The following GOSR2 variants were observed in gnomAD, a reference collection of about 807,000 sequenced individuals.
The protein encoded by GOSR2 is golgi SNAP receptor complex member 2, also known as 27 kDa Golgi SNARE protein.
In GOSR2, 20 loss-of-function variants were observed where a neutral mutation model predicts 27.9. The ratio of observed to expected loss-of-function variants is 0.72; its 90% confidence interval spans 0.50 to 1.04. GOSR2 has a LOEUF of 1.04. Among genes scored for constraint, GOSR2 ranks in the 50% least tolerant of loss-of-function variants. The pLI, the probability that GOSR2 is intolerant of heterozygous loss-of-function variation, is 0.00. For missense variants in GOSR2, 261 were observed against 270.5 expected (o/e 0.97, Z 0.25); for synonymous variants, 91 against 98.8 (o/e 0.92, Z 0.47).
chr17:46,967,033 T>A (rs149238738), downstream of GOSR2: 16 of 203,602 alleles, frequency 7.9e-5, no homozygotes, highest in Non-Finnish European at 1.4e-4. Flanking sequence ...GGGCTGTGTG[T>A]CCAACAAAGG....
intron 6 of GOSR2, among the ~76,000 whole-genome samples, chr17:46,973,883 C>T (rs144231584): frequency 1.8e-3 from 275 of 152,268 alleles, no homozygotes; most frequent in Middle Eastern, 6.8e-3. Flanking sequence ...TTCTGCTGTA[C>T]CCGCCACCTC....
chr17:46,970,549 A>C (rs1267463907), downstream of GOSR2, among the ~76,000 whole-genome samples: 10 of 151,648 alleles, frequency 6.6e-5, no homozygotes, highest in East Asian at 1.7e-3. Context: ...AAAAAAAAAA[A>C]AAAAAAAAAA....
chr17:46,936,486 A>G (rs1219355541), intron 5 of GOSR2: 1 of 985,318 alleles, frequency 1.0e-6, no homozygotes, highest in Non-Finnish European at 1.2e-6. Context: ...ACCTGTGGCT[A>G]CCTGGTGTTT....
rs1042030524 is a variant in GOSR2 at position 46,936,535 on chromosome 17, C to T, written c.477+1366C>T. ...CTCCACCTGCCTCACACCCTGCCTC[C>T]GTCGGGATTTTCCACCTACACCATT... On this transcript the variant is annotated intron_variant, in intron 5 of 5. Transcript: ENST00000640051. 31 of 985,436 alleles carry T rather than the reference C, an allele frequency of 3.1e-5. No individual in the cohort carries two copies. In the East Asian group the frequency reaches 3.4e-4, roughly 11 times the overall value. The allele number at this position is 985,436 out of a possible 1,614,324, so 61.0% of individuals were successfully genotyped here.
chr17:46,923,251 C>CT, intron 1 of GOSR2, 30 bp downstream of exon 1: 1 of 1,550,738 alleles, frequency 6.4e-7, no homozygotes, highest in South Asian at 1.2e-5. Context: ...CGGGCAGGGG[C>CT]TAGACGAGGC....
At position 46,941,281 on chromosome 17, in the gene GOSR2, G is replaced by A; in HGVS notation, c.*2521G>A. 2.0e-6 allele frequency: 2 copies of A among 985,864 alleles called. No individual in the cohort carries two copies. The highest frequency in any genetic ancestry group is 5.2e-4 in the Middle Eastern group (1 of 1,914). The allele number at this position is 985,864 out of a possible 1,614,324, so 61.1% of individuals were successfully genotyped here. A position where few individuals can be genotyped will look rare whatever the true frequency, so the allele number is the denominator to read the frequency against. On this transcript the variant is annotated 3_prime_UTR_variant, in exon 6 of 6. Transcript: ENST00000640051. ...CCTTTGCCCTGATGAATTTGAATGG[G>A]TTTGATTTGCAAATTTGGATTTACA...
chr17:46,961,414 C>T (rs1030859611), intron 6 of GOSR2, among the ~76,000 whole-genome samples: 5 of 152,052 alleles, frequency 3.3e-5, no homozygotes, highest in Non-Finnish European at 7.4e-5. Context: ...GTGCATCTAT[C>T]GTCCCAGCTA....
chr17:46,954,351 A>T, intron 6 of GOSR2, among the ~76,000 whole-genome samples: 1 of 152,134 alleles, frequency 6.6e-6, no homozygotes, highest in East Asian at 1.9e-4. Flanking sequence ...GTAGTAGATA[A>T]GCGGCATTAT....
At chr17:46,955,310 G>A (rs2147262158) in intron 6 of GOSR2, among the ~76,000 whole-genome samples, 1 of 152,122 alleles carries the variant, frequency 6.6e-6, no homozygotes. Flanking sequence ...TTATATGCTG[G>A]ATTACGTTTA....
rs548624106 is a variant in GOSR2, at chr17:46,954,318, T to A, written c.584-12216T>A. On this transcript the variant is annotated intron_variant, in intron 6 of 6. Transcript: ENST00000573224. ...ATCCTTTTCCCATTTCTTGTTTTTG[T>A]CAGGTTTGTCAAAGATCAGATAGTA... 3.3e-5 allele frequency among the ~76,000 whole-genome samples: 5 copies of A among 152,342 alleles called. No individual in the cohort carries two copies. In the East Asian group the frequency reaches 5.8e-4, roughly 18 times the overall value.
At chr17:46,960,934 G>T (rs930540657) in intron 6 of GOSR2, among the ~76,000 whole-genome samples, 4 of 152,126 alleles carry the variant, frequency 2.6e-5, no homozygotes, top group Non-Finnish European at 4.4e-5. Flanking sequence ...CTAAGTATTT[G>T]TCAAAATATA....
intron 5 of GOSR2, chr17:46,937,607 C>G (rs2088613364): frequency 6.6e-6 from 1 of 152,192 alleles, no homozygotes; most frequent in Non-Finnish European, 1.5e-5. Flanking sequence ...CCCTCTGCCC[C>G]AGGCAGCCAC....
chr17:46,945,930 T>TC (rs1834020696), downstream of GOSR2, among the ~76,000 whole-genome samples: 1 of 152,160 alleles, frequency 6.6e-6, no homozygotes, highest in Non-Finnish European at 1.5e-5. Flanking sequence ...GGGTATAAAT[T>TC]CCGTGTCCAT....
At chr17:46,935,426 A>T (rs979616846) in intron 5 of GOSR2, 182 of 1,420,532 alleles carry the variant, frequency 1.3e-4, no homozygotes, top group Non-Finnish European at 1.6e-4. Context: ...CATTTACTGA[A>T]CTTATCATGA....
chr17:46,924,208 G>A (rs2086156067), intron 1 of GOSR2: 1 of 211,988 alleles, frequency 4.7e-6, no homozygotes, highest in Non-Finnish European at 9.3e-6. Context: ...TATAAGTGGA[G>A]TCATACAGAA....
intron 6 of GOSR2, among the ~76,000 whole-genome samples, chr17:46,958,751 A>G (rs1196519239): frequency 6.6e-6 from 1 of 152,228 alleles, no homozygotes; most frequent in Non-Finnish European, 1.5e-5. Flanking sequence ...GGCGAAGTCA[A>G]AGGTTCTGGG....
chr17:46,971,205 T>A (rs2091389266), downstream of GOSR2, among the ~76,000 whole-genome samples: 1 of 152,050 alleles, frequency 6.6e-6, no homozygotes, highest in Non-Finnish European at 1.5e-5. Flanking sequence ...GGCATGGTGG[T>A]GGGTGCCTGT....
At chr17:46,936,058 G>C (rs923303568) in intron 5 of GOSR2, 156 of 985,730 alleles carry the variant, frequency 1.6e-4, no homozygotes, top group Non-Finnish European at 1.8e-4. Context: ...CCATCTCTAC[G>C]GGGGAGAGGG....
At chr17:46,969,675 C>G (rs1405509878), downstream of GOSR2, among the ~76,000 whole-genome samples, 1 of 152,176 alleles carries the variant, frequency 6.6e-6, no homozygotes, top group Admixed American at 6.5e-5. Context: ...TGGATAAATG[C>G]CTTAAACACG....
Sources: gnomAD v4.1 joint callset for allele counts (sites outside exome capture counted in the v4.1 genomes callset) on GRCh38, gnomAD v4.1.1 for gene constraint, MANE v1.5 for transcripts, NCBI Gene and HGNC (gene_info 2026-07-23, HGNC 2026-07-21) for gene names.